Variants in TTC14 observed in about 807,000 individuals in gnomAD.
TTC14 encodes tetratricopeptide repeat protein 14.
In TTC14, 63 loss-of-function variants were observed where a neutral mutation model predicts 79.9. That is an observed-to-expected ratio of 0.79 (90% CI 0.64 to 0.97). The LOEUF is 0.97. Ranked by LOEUF, TTC14 falls within the 50% of genes least tolerant of loss-of-function variation. The pLI is 0.00. For missense variants in TTC14, 895 were observed against 894.0 expected, an observed-to-expected ratio of 1.00 and a Z score of -0.01; for synonymous variants, 335 against 309.6, an observed-to-expected ratio of 1.08 and a Z score of -0.86.
intron 3 of TTC14, chr3:180,603,637 T>C (rs1334415727): frequency 4.1e-5 from 13 of 316,140 alleles, no homozygotes; most frequent in Non-Finnish European, 7.8e-5. Context: ...GTTGAACATA[T>C]GTATTCTTAA....
chr3:180,612,122 A>G (rs999641073), downstream of TTC14, among the ~76,000 whole-genome samples: 3 of 152,186 alleles, frequency 2.0e-5, no homozygotes, highest in Admixed American at 6.5e-5. Context: ...TAATAATTCT[A>G]TGTATTAATA....
downstream of TTC14, chr3:180,611,207 CATT>C (rs1381097729): frequency 2.0e-6 from 2 of 976,838 alleles, no homozygotes; most frequent in South Asian, 4.7e-5. Flanking sequence ...CTTATTTCTC[CATT>C]ATTTTTTACC....
downstream of TTC14, chr3:180,614,812 CCACTAAGTT>C: frequency 1.1e-6 from 1 of 943,090 alleles, no homozygotes; most frequent in Non-Finnish European, 1.5e-6. Flanking sequence ...TTTACACTTA[CCACTAAGTT>C]TTTACACTTT....
rs1433898664 is a variant in TTC14, at chr3:180,604,323, TCA to T, written c.571+15_571+16del. On this transcript the variant is annotated intron_variant, in intron 4 of 11. Coordinates refer to ENST00000296015, the MANE Select transcript of TTC14 (RefSeq NM_133462.4). ...ACATCATTCGAGGTGATTAGTTTCA[TCA>T]TACTAATAAAAAAGTAATGATTGTT... The T allele has an allele frequency of 6.2e-7, 1 of 1,605,252 alleles. No homozygotes were observed. The highest frequency in any genetic ancestry group is 1.7e-5 in the Admixed American group (1 of 58,776).
chr3:180,605,732 G>A, intron 6 of TTC14, 34 bp from the exon 7 acceptor site: 1 of 1,492,926 alleles, frequency 6.7e-7, no homozygotes, highest in South Asian at 1.2e-5. Flanking sequence ...AAATATTTGT[G>A]GTTTAACTTT....
intron 1 of TTC14, 40 bp downstream of exon 1, chr3:180,602,462 A>G: frequency 6.4e-7 from 1 of 1,553,080 alleles, no homozygotes; most frequent in Non-Finnish European, 8.6e-7. Context: ...GGAAGAGGGG[A>G]CGCAGCTCTG....
chr3:180,617,092 G>C (rs2108404725), intron 12 of TTC14: 1 of 589,294 alleles, frequency 1.7e-6, no homozygotes, highest in Admixed American at 3.5e-5. Flanking sequence ...TATTTCTGTT[G>C]ATGTACCTCT....
chr3:180,614,958 C>T (rs1427971338), downstream of TTC14: 1 of 1,566,758 alleles, frequency 6.4e-7, no homozygotes, highest in East Asian at 2.3e-5. Flanking sequence ...ATTACTAGAG[C>T]TACTACTAGC....
At chr3:180,616,746 A>G in intron 12 of TTC14, 1 of 1,572,288 alleles carries the variant, frequency 6.4e-7, no homozygotes, top group Non-Finnish European at 8.7e-7. Context: ...ACCAGAATTT[A>G]ATATTTTTAA....
intron 12 of TTC14, chr3:180,616,517 T>G: frequency 6.5e-7 from 1 of 1,542,738 alleles, no homozygotes; most frequent in Non-Finnish European, 8.7e-7. Flanking sequence ...CTGTATTACC[T>G]GTTGAAAGTA....
In TTC14 at chr3:180,602,218, G is replaced by A; in HGVS notation, c.-44G>A. ...GGCTCAAGTAGCGGACACGGAACAGGGAACTATCAGCCCGTCGGCCTCCGG... is the reference window on the plus strand; with the variant it reads ...GGCTCAAGTAGCGGACACGGAACAGAGAACTATCAGCCCGTCGGCCTCCGG... On this transcript the variant is annotated 5_prime_UTR_variant, in exon 1 of 12. Transcript: ENST00000296015. 1 of 1,606,904 alleles carries A rather than the reference G, an allele frequency of 6.2e-7. No homozygotes were observed. The highest frequency in any genetic ancestry group is 8.5e-7 in the Non-Finnish European group (1 of 1,176,578).
chr3:180,616,940 T>C (rs1305526036), intron 12 of TTC14: 13 of 1,456,838 alleles, frequency 8.9e-6, no homozygotes, highest in African/African-American at 1.4e-5. Flanking sequence ...CCAAATGTTC[T>C]ATAACATCTA....
chr3:180,604,644 CAA>C, intron 5 of TTC14, 37 bp downstream of exon 5: 2 of 1,577,718 alleles, frequency 1.3e-6, no homozygotes, highest in Non-Finnish European at 1.7e-6. Flanking sequence ...CAGTTCATTA[CAA>C]AAGTCTCTTG....
chr3:180,606,551 C>A lies in TTC14; in HGVS notation c.1120C>A (p.His374Asn), dbSNP rs1560073295. 1 of 1,613,950 alleles carries A rather than the reference C, an allele frequency of 6.2e-7. No homozygotes were observed. The highest frequency in any genetic ancestry group is 8.5e-7 in the Non-Finnish European group (1 of 1,179,918). ...FELALENCPT[H>N]RNARKYLCQT... is the part of the protein sequence containing the mutation. ...GCTTGCATTAGAAAACTGTCCAACT[C>A]ACAGAAATGCAAGAAAATACCTCTG... Residue 374 changes from histidine to asparagine, a missense_variant, in exon 9 of 12, where the codon CAC (histidine) becomes AAC (asparagine). By Grantham distance (68) the His-to-Asn change is moderately conservative. Transcript: ENST00000296015.
chr3:180,617,979 C>G (rs1277760567), downstream of TTC14, among the ~76,000 whole-genome samples: 1 of 152,064 alleles, frequency 6.6e-6, no homozygotes, highest in Non-Finnish European at 1.5e-5. Flanking sequence ...ACAGGTGTAC[C>G]ATTTTTTTAA....
rs1172033446 is a variant in TTC14 at position 180,602,285 on chromosome 3, G to A, written c.24G>A (p.Gln8=). MDRDLLR[Q]SLNCHGSSLL... ...CCATGGACCGGGACCTTTTGCGGCA[G>A]TCGCTAAATTGCCACGGGTCGTCTT... Residue 8 remains glutamine, a synonymous_variant, in exon 1 of 12, where the codon CAG becomes CAA. Coordinates refer to ENST00000296015, the MANE Select transcript of TTC14 (RefSeq NM_133462.4). The A allele has an allele frequency of 1.9e-6, 3 of 1,614,060 alleles. No homozygotes were observed. The highest frequency in any genetic ancestry group is 1.7e-5 in the Admixed American group (1 of 60,034).
At chr3:180,605,738 A>G (rs1389660049) in intron 6 of TTC14, 28 bp from the exon 7 acceptor site, 3 of 1,535,298 alleles carry the variant, frequency 2.0e-6, no homozygotes, top group Non-Finnish European at 2.6e-6. Flanking sequence ...TTGTGGTTTA[A>G]CTTTTTAATT....
chr3:180,610,464 T>A lies in TTC14; in HGVS notation c.2235T>A (p.Asn745Lys). ...ACTCAGAAAGCAGTGTTAAGAAAAA[T>A]TTACCTCAGAATTTACTGAATATAT... ...KEHSESSVKK[N>K]LPQNLLNIFN... Residue 745 changes from asparagine to lysine, a missense_variant, in exon 12 of 12, where the codon AAT becomes AAA. Coordinates refer to ENST00000296015, the MANE Select transcript of TTC14 (RefSeq NM_133462.4). The A allele has an allele frequency of 6.2e-7, 1 of 1,607,520 alleles. No individual in the cohort carries two copies. Among genetic ancestry groups the A allele is most frequent in the Non-Finnish European group, 8.5e-7 (1 of 1,178,438 alleles).
chr3:180,609,184 G>A, intron 11 of TTC14: 1 of 622,874 alleles, frequency 1.6e-6, no homozygotes, highest in South Asian at 6.3e-5. Flanking sequence ...GGGTGCTACT[G>A]CATCTAGTGT....
Sources: allele counts gnomAD v4.1 joint callset (sites outside exome capture counted in the v4.1 genomes callset), GRCh38; gene constraint gnomAD v4.1.1; transcripts MANE v1.5; gene names NCBI Gene and HGNC (gene_info 2026-07-23, HGNC 2026-07-21).